CYFIP2: variants seen among roughly 807,000 people sequenced by gnomAD.
CYFIP2 encodes cytoplasmic FMR1-interacting protein 2.
CYFIP2 carries 29 observed loss-of-function variants against 158.7 expected under a neutral mutation model. The ratio of observed to expected loss-of-function variants is 0.18; its 90% CI spans 0.14 to 0.25. The LOEUF is 0.25. Ranked by LOEUF, CYFIP2 falls within the 10% of genes least tolerant of loss-of-function variation. The pLI, the probability that CYFIP2 is intolerant of heterozygous loss-of-function variation, is 1.00. For missense variants in CYFIP2, 852 were observed against 1,639.5 expected (o/e 0.52, Z 8.29); for synonymous variants, 585 against 617.6 (o/e 0.95, Z 0.78).
chr5:157,393,207 GAAAAA>G lies in CYFIP2; in HGVS notation c.*220_*224del, dbSNP rs3052310. On this transcript the variant is annotated 3_prime_UTR_variant, in exon 31 of 31. Transcript: ENST00000620254. ...ATGCTGGTTTCTCCATAGCATAAAT[GAAAAA>G]AAAAAAAAAAAAGTAAACAGGGCAG... 46 of 280,416 alleles carry G rather than the reference GAAAAA, an allele frequency of 1.6e-4. No individual in the cohort carries two copies. The highest frequency in any genetic ancestry group is 2.3e-4 in the Non-Finnish European group (36 of 156,590). 17.4% of individuals were successfully genotyped at this position (280,416 alleles called of 1,614,324 possible). A position where few individuals can be genotyped will look rare whatever the true frequency, so the allele number is the denominator to read the frequency against.
intron 7 of CYFIP2, chr5:157,303,166 C>T (rs1758921822): frequency 5.7e-6 from 2 of 348,622 alleles, no homozygotes; most frequent in Non-Finnish European, 1.1e-5. Flanking sequence ...TGGAGTTAGG[C>T]AGCCTTGTTT....
At chr5:157,282,247 C>T (rs145354849) in intron 1 of CYFIP2, among the ~76,000 whole-genome samples, 1 of 152,318 alleles carries the variant, frequency 6.6e-6, no homozygotes, top group East Asian at 1.9e-4. Flanking sequence ...TGGCAGAAGG[C>T]AGAGGGGTAA....
intron 26 of CYFIP2, among the ~76,000 whole-genome samples, chr5:157,367,222 A>G (rs749526081): frequency 6.6e-6 from 1 of 152,194 alleles, no homozygotes; most frequent in African/African-American, 2.4e-5. Flanking sequence ...CACCACTGAC[A>G]TTTGGAGCCA....
At chr5:157,343,523 A>C in intron 23 of CYFIP2, 1 of 1,559,790 alleles carries the variant, frequency 6.4e-7, no homozygotes, top group Non-Finnish European at 8.7e-7. Context: ...AATGTTCCCC[A>C]CCTCGATGTT....
At chr5:157,342,891 G>A (rs771550330) in intron 23 of CYFIP2, 9 of 1,613,698 alleles carry the variant, frequency 5.6e-6, no homozygotes, top group Non-Finnish European at 7.6e-6. Flanking sequence ...AGTATAGCGG[G>A]TGGGTCACCA....
At chr5:157,315,191 T>C (rs924091177) in intron 13 of CYFIP2, 97 bp downstream of exon 13, 2 of 1,488,836 alleles carry the variant, frequency 1.3e-6, no homozygotes, top group Admixed American at 2.1e-5. Context: ...TCGGTTGCCC[T>C]AATTTTCGTG....
intron 3 of CYFIP2, chr5:157,288,741 A>T (rs1231307705): frequency 2.4e-6 from 1 of 417,856 alleles, no homozygotes; most frequent in Admixed American, 2.6e-5. Context: ...AGGGTCCTGC[A>T]GCTGACAAGT....
rs750709177 is a variant in CYFIP2 at position 157,320,463 on chromosome 5, G to A, written c.1524-192G>A. 3.3e-5 allele frequency among the ~76,000 whole-genome samples: 5 copies of A among 152,344 alleles called. No homozygotes were observed. The South Asian group carries it at 6.2e-4, about 19-fold the overall frequency. ...CATGTAGGACACTTGTTTAAACACAGATTCCTGGACTGTACCTTAAATCTG... is the reference window on the plus strand; with the variant it reads ...CATGTAGGACACTTGTTTAAACACAAATTCCTGGACTGTACCTTAAATCTG... On this transcript the variant is annotated intron_variant, in intron 14 of 30. Transcript: ENST00000620254.
At chr5:157,351,828 CA>C (rs1763091983) in intron 23 of CYFIP2, among the ~76,000 whole-genome samples, 1 of 152,174 alleles carries the variant, frequency 6.6e-6, no homozygotes, top group African/African-American at 2.4e-5. Context: ...AATGCTGGAG[CA>C]GGTGAAGAAC....
chr5:157,305,688 A>T (rs1039369388), intron 8 of CYFIP2, among the ~76,000 whole-genome samples: 1 of 152,028 alleles, frequency 6.6e-6, no homozygotes, highest in African/African-American at 2.4e-5. Context: ...TTTTTTAAAA[A>T]ATTTTTTGTA....
chr5:157,395,495 C>T lies in CYFIP2; in HGVS notation c.*2495C>T. 1 of 536,038 alleles carries T rather than the reference C, an allele frequency of 1.9e-6. No individual in the cohort carries two copies. The highest frequency in any genetic ancestry group is 3.2e-6 in the Non-Finnish European group (1 of 312,562). The allele number at this position is 536,038 out of a possible 1,614,324, so 33.2% of individuals were successfully genotyped here. A position where few individuals can be genotyped will look rare whatever the true frequency, so the allele number is the denominator to read the frequency against. On this transcript the variant is annotated 3_prime_UTR_variant, in exon 31 of 31. Coordinates refer to ENST00000620254, the MANE Select transcript of CYFIP2 (RefSeq NM_001037333.3). ...AAATTCTTAAATCATATTTGCTATG[C>T]AGCTGAAGATGATATTTTGATTTGT... is the stretch of plus-strand genomic sequence containing the variant.
chr5:157,283,008 G>A (rs1352766390), intron 1 of CYFIP2, among the ~76,000 whole-genome samples: 1 of 152,178 alleles, frequency 6.6e-6, no homozygotes, highest in Non-Finnish European at 1.5e-5. Context: ...CGTAGAGGTT[G>A]GTATGAAATA....
chr5:157,371,351 A>G (rs1053593594), intron 26 of CYFIP2, among the ~76,000 whole-genome samples: 3 of 152,220 alleles, frequency 2.0e-5, no homozygotes, highest in Admixed American at 6.5e-5. Context: ...TTCTCCATAC[A>G]AAAACATAAT....
chr5:157,313,980 A>C (rs1759939357), intron 11 of CYFIP2, among the ~76,000 whole-genome samples: 1 of 152,228 alleles, frequency 6.6e-6, no homozygotes, highest in African/African-American at 2.4e-5. Context: ...CTGTAATCCC[A>C]GCACTTTGGG....
chr5:157,267,831 T>G (rs953456435), intron 1 of CYFIP2, among the ~76,000 whole-genome samples: 5 of 152,244 alleles, frequency 3.3e-5, no homozygotes, highest in Non-Finnish European at 7.3e-5. Context: ...AGCTGGGTAG[T>G]TCTTTTGGGA....
chr5:157,309,961 G>T, intron 10 of CYFIP2, 127 bp downstream of exon 10: 1 of 908,140 alleles, frequency 1.1e-6, no homozygotes, highest in Non-Finnish European at 1.7e-6. Flanking sequence ...TCAGAACACA[G>T]GTGCCGGCCG....
chr5:157,385,521 T>C (rs1766587335), intron 28 of CYFIP2, among the ~76,000 whole-genome samples: 1 of 152,174 alleles, frequency 6.6e-6, no homozygotes, highest in Non-Finnish European at 1.5e-5. Flanking sequence ...TTTGCATTTG[T>C]TTGAGACAAA....
At chr5:157,363,360 G>A (rs988782946) in intron 26 of CYFIP2, 2 of 152,260 alleles carry the variant, frequency 1.3e-5, no homozygotes, top group African/African-American at 4.8e-5. Flanking sequence ...GCAGTTCTAG[G>A]TTGTGGATAA....
chr5:157,306,162 G>A (rs1454629537), intron 8 of CYFIP2, among the ~76,000 whole-genome samples: 5 of 152,120 alleles, frequency 3.3e-5, no homozygotes, highest in African/African-American at 1.2e-4. Flanking sequence ...TGTCTCTCCT[G>A]CTATTCTGAG....
Sources: allele counts gnomAD v4.1 joint callset (sites outside exome capture counted in the v4.1 genomes callset), GRCh38; gene constraint gnomAD v4.1.1; transcripts MANE v1.5; gene names NCBI Gene and HGNC (gene_info 2026-07-23, HGNC 2026-07-21).